Variants in APBB2 observed in about 807,000 individuals in gnomAD.
APBB2 encodes Fe65-like 1.
A neutral mutation model predicts 82.5 loss-of-function variants in APBB2; 38 were observed. The ratio of observed to expected loss-of-function variants is 0.46; its 90% CI spans 0.36 to 0.60. The LOEUF (loss-of-function observed/expected upper bound fraction) is 0.60. APBB2 is among the 20% of genes least tolerant of loss of function. APBB2 has a pLI of 0.00. For synonymous variants in APBB2, 341 were observed against 368.2 expected, an observed-to-expected ratio of 0.93 and a Z score of 0.85; for missense variants, 772 against 972.3, an observed-to-expected ratio of 0.79 and a Z score of 2.74.
At position 41,078,206 on chromosome 4, in the gene APBB2, G is replaced by GA. The variant is rs11295958; in HGVS notation, c.-148-12534dup. ...GAATTCATGTTTAATGACTAAAATG[G>GA]AAAAAAAAAATTCAAGAATTACCAA... On this transcript the variant is annotated intron_variant, in intron 3 of 17. Transcript: ENST00000508593. 5.5e-4 allele frequency among the ~76,000 whole-genome samples: 82 copies of GA among 149,680 alleles called. 1 individual carries two copies. The highest frequency in any genetic ancestry group is 3.4e-3 in the Middle Eastern group (1 of 290).
At chr4:41,050,183 T>C (rs1725426603) in intron 4 of APBB2, among the ~76,000 whole-genome samples, 1 of 152,142 alleles carries the variant, frequency 6.6e-6, no homozygotes, top group African/African-American at 2.4e-5. Context: ...GGAATAAACA[T>C]ACAAAAAGCA....
intron 10 of APBB2, among the ~76,000 whole-genome samples, chr4:40,901,772 C>T (rs1390614095): frequency 6.6e-6 from 1 of 152,186 alleles, no homozygotes; most frequent in Non-Finnish European, 1.5e-5. Flanking sequence ...AGCTCAGCCT[C>T]CCAAAGTGCT....
At chr4:40,978,926 A>AT (rs34025967) in intron 6 of APBB2, among the ~76,000 whole-genome samples, 64,886 of 150,926 alleles carry the variant, frequency 0.43, 14,743 homozygotes, top group East Asian at 0.71. Flanking sequence ...GGAACTCATG[A>AT]TTTTTTTTTT....
At chr4:40,922,518 A>G (rs1344164295) in intron 10 of APBB2, among the ~76,000 whole-genome samples, 3 of 152,240 alleles carry the variant, frequency 2.0e-5, no homozygotes, top group African/African-American at 7.2e-5. Context: ...TGACTTAGCT[A>G]TAGGGCCTCA....
intron 6 of APBB2, among the ~76,000 whole-genome samples, chr4:40,998,699 C>T (rs1161349122): frequency 6.6e-6 from 1 of 152,144 alleles, no homozygotes; most frequent in African/African-American, 2.4e-5. Context: ...AAAACAACAT[C>T]ACTTTACAGC....
At chr4:41,210,763 AG>A (rs1779117572) in intron 1 of APBB2, among the ~76,000 whole-genome samples, 1 of 152,368 alleles carries the variant, frequency 6.6e-6, no homozygotes, top group Admixed American at 6.5e-5. Flanking sequence ...ATGCTTTAAA[AG>A]AGAATGCTTA....
At chr4:41,057,154 T>C (rs1013655065) in intron 4 of APBB2, among the ~76,000 whole-genome samples, 1 of 152,130 alleles carries the variant, frequency 6.6e-6, no homozygotes, top group Non-Finnish European at 1.5e-5. Flanking sequence ...CAAAGCATCA[T>C]CTATAAAATA....
At chr4:41,114,927 C>G (rs1181805276) in intron 2 of APBB2, among the ~76,000 whole-genome samples, 3 of 152,160 alleles carry the variant, frequency 2.0e-5, no homozygotes. Flanking sequence ...AATGCTATCC[C>G]CATCAAGCTA....
At chr4:40,820,016 T>A (rs1486502889) in intron 17 of APBB2, among the ~76,000 whole-genome samples, 1 of 152,222 alleles carries the variant, frequency 6.6e-6, no homozygotes, top group African/African-American at 2.4e-5. Context: ...CAGCACTTTC[T>A]ACACTGTAAC....
At chr4:41,096,797 C>A (rs925735531) in intron 3 of APBB2, among the ~76,000 whole-genome samples, 2 of 152,176 alleles carry the variant, frequency 1.3e-5, no homozygotes, top group Non-Finnish European at 2.9e-5. Flanking sequence ...AAGAATATAA[C>A]GTCCATTCCA....
chr4:41,102,037 T>A (rs1180210647), intron 2 of APBB2, among the ~76,000 whole-genome samples: 1 of 151,380 alleles, frequency 6.6e-6, no homozygotes, highest in African/African-American at 2.4e-5. Context: ...GGCAATAAAA[T>A]CATTAATAAG....
chr4:41,078,796 GAGA>G (rs1736537800), intron 3 of APBB2, among the ~76,000 whole-genome samples: 1 of 152,158 alleles, frequency 6.6e-6, no homozygotes, highest in Non-Finnish European at 1.5e-5. Flanking sequence ...CTTATGTCGG[GAGA>G]AGGACTGGGA....
At chr4:41,157,997 CCAAA>C (rs1308609933) in intron 1 of APBB2, among the ~76,000 whole-genome samples, 1 of 152,014 alleles carries the variant, frequency 6.6e-6, no homozygotes, top group Non-Finnish European at 1.5e-5. Context: ...ACCTCAAAAA[CCAAA>C]CAGTCAAACA....
intron 1 of APBB2, among the ~76,000 whole-genome samples, chr4:41,213,810 A>ATTC (rs1421316728): frequency 6.6e-6 from 1 of 152,170 alleles, no homozygotes; most frequent in African/African-American, 2.4e-5. Flanking sequence ...GGGAAAAGGA[A>ATTC]CTTTTCCCCC....
chr4:41,089,581 A>C (rs1318347621), intron 3 of APBB2, among the ~76,000 whole-genome samples: 1 of 152,206 alleles, frequency 6.6e-6, no homozygotes, highest in Non-Finnish European at 1.5e-5. Flanking sequence ...TCAGGAGTTA[A>C]CAAAAATTCT....
chr4:40,890,160 ATT>A, intron 12 of APBB2: 2 of 629,290 alleles, frequency 3.2e-6, no homozygotes. Context: ...TTGACAAAAG[ATT>A]TGAGATACAG....
At chr4:40,896,919 G>T (rs1773833557) in intron 10 of APBB2, among the ~76,000 whole-genome samples, 1 of 152,176 alleles carries the variant, frequency 6.6e-6, no homozygotes, top group Non-Finnish European at 1.5e-5. Context: ...AGTGACCCTG[G>T]CTGGAGTGAG....
intron 3 of APBB2, among the ~76,000 whole-genome samples, chr4:41,069,990 C>G (rs1171830284): frequency 1.3e-5 from 2 of 152,158 alleles, no homozygotes; most frequent in Admixed American, 6.5e-5. Flanking sequence ...CACAAAGCAA[C>G]AGAAATTGCA....
chr4:41,097,951 C>G (rs1407369508), intron 3 of APBB2, among the ~76,000 whole-genome samples: 3 of 151,942 alleles, frequency 2.0e-5, no homozygotes, highest in Non-Finnish European at 2.9e-5. Context: ...TTACAGTTTT[C>G]AAAGAGCAGT....
Sources: allele counts gnomAD v4.1 joint callset (sites outside exome capture counted in the v4.1 genomes callset), GRCh38; gene constraint gnomAD v4.1.1; transcripts MANE v1.5; gene names NCBI Gene and HGNC (gene_info 2026-07-23, HGNC 2026-07-21).